ADAMTSL3: variants seen among roughly 807,000 people sequenced by gnomAD.
ADAMTSL3 encodes ADAMTS like 3.
A neutral mutation model predicts 201.7 loss-of-function variants in ADAMTSL3; 128 were observed. The observed-to-expected ratio is 0.63, with a 90% CI of 0.55 to 0.73. The LOEUF is 0.73. ADAMTSL3 is among the 30% of genes least tolerant of loss of function. ADAMTSL3 has a pLI of 0.00. For missense variants in ADAMTSL3, 1,990 were observed against 2,119.6 expected (o/e 0.94, Z 1.20); for synonymous variants, 738 against 748.4 (o/e 0.99, Z 0.23).
At chr15:83,939,814 G>T (rs543478408) in intron 17 of ADAMTSL3, among the ~76,000 whole-genome samples, 256 of 152,056 alleles carry the variant, frequency 1.7e-3, no homozygotes, top group African/African-American at 6.0e-3. Flanking sequence ...TGGCGATGGG[G>T]TTTCACCATG....
At chr15:83,735,046 A>C (rs1242497520) in intron 3 of ADAMTSL3, among the ~76,000 whole-genome samples, 1 of 152,196 alleles carries the variant, frequency 6.6e-6, no homozygotes, top group Non-Finnish European at 1.5e-5. Context: ...GTAAAACTCT[A>C]TCAGGCAGCC....
At chr15:83,753,055 G>A (rs983776471) in intron 3 of ADAMTSL3, among the ~76,000 whole-genome samples, 5 of 152,112 alleles carry the variant, frequency 3.3e-5, no homozygotes, top group Admixed American at 6.5e-5. Context: ...ACCTTTTTGA[G>A]GGCAGCTACT....
At chr15:83,891,944 G>A (rs2065507528) in intron 12 of ADAMTSL3, among the ~76,000 whole-genome samples, 1 of 152,244 alleles carries the variant, frequency 6.6e-6, no homozygotes, top group Non-Finnish European at 1.5e-5. Flanking sequence ...GCCGGGCGTG[G>A]TGGCACATGC....
At chr15:83,856,073 T>C (rs1005132287) in intron 7 of ADAMTSL3, among the ~76,000 whole-genome samples, 1 of 132,850 alleles carries the variant, frequency 7.5e-6, no homozygotes, top group African/African-American at 3.3e-5. Flanking sequence ...CATTAATCTT[T>C]TCTTTACTTA....
At chr15:83,684,649 A>G (rs996668961) in intron 2 of ADAMTSL3, among the ~76,000 whole-genome samples, 2 of 152,188 alleles carry the variant, frequency 1.3e-5, no homozygotes, top group Non-Finnish European at 2.9e-5. Flanking sequence ...ACGTGCTTCA[A>G]TTACTGGGCA....
intron 28 of ADAMTSL3, 99 bp downstream of exon 28, chr15:84,031,531 A>T: frequency 1.9e-6 from 2 of 1,055,888 alleles, no homozygotes; most frequent in South Asian, 1.4e-5. Flanking sequence ...GTTTCTACCA[A>T]CTCTCATAAT....
At chr15:83,669,467 T>TG (rs2061295812) in intron 2 of ADAMTSL3, among the ~76,000 whole-genome samples, 1 of 105,426 alleles carries the variant, frequency 9.5e-6, no homozygotes, top group Non-Finnish European at 2.0e-5. Flanking sequence ...TTTTTTTTTT[T>TG]TTTTTTTTTT....
chr15:83,822,489 G>C (rs1380586077), intron 6 of ADAMTSL3, among the ~76,000 whole-genome samples: 40 of 138,712 alleles, frequency 2.9e-4, no homozygotes, highest in African/African-American at 5.1e-4. Context: ...GGGGCGGCCG[G>C]GCAGAGACGC....
intron 23 of ADAMTSL3, among the ~76,000 whole-genome samples, chr15:83,999,150 T>C (rs1252497018): frequency 6.6e-6 from 1 of 152,234 alleles, no homozygotes; most frequent in Non-Finnish European, 1.5e-5. Context: ...CCTGTAACCC[T>C]TTCTCTAAGT....
At chr15:83,694,449 G>C (rs991739674) in intron 2 of ADAMTSL3, 2 of 152,168 alleles carry the variant, frequency 1.3e-5, no homozygotes, top group Non-Finnish European at 2.9e-5. Flanking sequence ...CCTGTTCATA[G>C]AATACTATTT....
At chr15:83,787,156 C>T (rs2063277935) in intron 4 of ADAMTSL3, among the ~76,000 whole-genome samples, 1 of 152,158 alleles carries the variant, frequency 6.6e-6, no homozygotes, top group African/African-American at 2.4e-5. Flanking sequence ...AATTCTCACT[C>T]TTTACTAGGA....
At chr15:83,854,864 G>C (rs577984935) in intron 7 of ADAMTSL3, among the ~76,000 whole-genome samples, 1 of 152,144 alleles carries the variant, frequency 6.6e-6, no homozygotes, top group Non-Finnish European at 1.5e-5. Flanking sequence ...TGTAGCCAGT[G>C]GGAGCACTTT....
chr15:83,822,300 G>C lies in ADAMTSL3; in HGVS notation c.600+2253G>C, dbSNP rs1415903547. 5.8e-5 allele frequency among the ~76,000 whole-genome samples: 8 copies of C among 137,928 alleles called. No homozygotes were observed. In the South Asian group the frequency reaches 1.2e-3, roughly 21 times the overall value. The allele number at this position is 137,928 out of a possible 152,430, so 90.5% of individuals were successfully genotyped here. A position where few individuals can be genotyped will look rare whatever the true frequency, so the allele number is the denominator to read the frequency against. On this transcript the variant is annotated intron_variant, in intron 6 of 29. Coordinates refer to ENST00000286744, the MANE Select transcript of ADAMTSL3 (RefSeq NM_207517.3). ...AGACGGGGCGGCTGCCGGGCGGAGGGGCTCCTCACTTCTCAGACGGGGCGG... is the reference window on the plus strand; with the variant it reads ...AGACGGGGCGGCTGCCGGGCGGAGGCGCTCCTCACTTCTCAGACGGGGCGG...
At chr15:84,022,904 C>G (rs2141916032) in intron 26 of ADAMTSL3, among the ~76,000 whole-genome samples, 1 of 152,314 alleles carries the variant, frequency 6.6e-6, no homozygotes, top group East Asian at 1.9e-4. Flanking sequence ...ACACTGTCCC[C>G]TCTCTCTTCA....
intron 3 of ADAMTSL3, among the ~76,000 whole-genome samples, chr15:83,754,292 T>C (rs2062684411): frequency 6.6e-6 from 1 of 152,210 alleles, no homozygotes; most frequent in African/African-American, 2.4e-5. Context: ...CTGTAGCATC[T>C]GACTGCAGGC....
At chr15:83,824,457 A>T (rs764634674) in intron 6 of ADAMTSL3, among the ~76,000 whole-genome samples, 1 of 152,186 alleles carries the variant, frequency 6.6e-6, no homozygotes, top group East Asian at 1.9e-4. Context: ...CAGTTATTAC[A>T]GTCGATGAAC....
At chr15:83,830,026 C>T (rs973449128) in intron 6 of ADAMTSL3, among the ~76,000 whole-genome samples, 1 of 151,882 alleles carries the variant, frequency 6.6e-6, no homozygotes, top group East Asian at 1.9e-4. Flanking sequence ...GGAGAGGAAA[C>T]AGATCTTTTA....
intron 6 of ADAMTSL3, among the ~76,000 whole-genome samples, chr15:83,823,879 CCTTCTTCTTCTTCCTCTT>C (rs760480855): frequency 0.013 from 1,903 of 141,456 alleles, 123 homozygotes; most frequent in East Asian, 0.042. Flanking sequence ...GACTCCATTT[CCTTCTTCTTCTTCCTCTT>C]CTTCTTCTTC....
At chr15:83,669,509 C>G (rs1481751245) in intron 2 of ADAMTSL3, among the ~76,000 whole-genome samples, 2 of 115,796 alleles carry the variant, frequency 1.7e-5, no homozygotes, top group Non-Finnish European at 3.2e-5. Context: ...GCTCTGTCTC[C>G]CAGGCTGGAG....
Sources: gnomAD v4.1 joint callset for allele counts (sites outside exome capture counted in the v4.1 genomes callset) on GRCh38, gnomAD v4.1.1 for gene constraint, MANE v1.5 for transcripts, NCBI Gene and HGNC (gene_info 2026-07-23, HGNC 2026-07-21) for gene names.